SPC24: variants seen among roughly 807,000 people sequenced by gnomAD.
The protein encoded by SPC24 is kinetochore protein Spc24.
In SPC24, 31 loss-of-function variants were observed where a neutral mutation model predicts 27.6. The ratio of observed to expected loss-of-function variants is 1.12; its 90% confidence interval spans 0.84 to 1.52. The LOEUF (loss-of-function observed/expected upper bound fraction) is 1.52. SPC24 is among the 40% of genes most tolerant of loss of function. The pLI is 0.00. For synonymous variants in SPC24, 105 were observed against 105.8 expected (o/e 0.99, Z 0.05); for missense variants, 284 against 252.5 (o/e 1.12, Z -0.84).
In SPC24 at chr19:11,155,773, C is replaced by T; in HGVS notation, c.4G>A (p.Ala2Thr). 1.3e-6 allele frequency: 2 copies of T among 1,536,524 alleles called. No individual in the cohort carries two copies. Among genetic ancestry groups the T allele is most frequent in the South Asian group, 1.2e-5 (1 of 83,974 alleles). The change falls in exon 1 of 5, where the codon GCC becomes ACC. Residue 2 changes from alanine to threonine, a missense_variant. Ala to Thr is a moderately conservative substitution (Grantham distance 58). Coordinates refer to ENST00000592540, the MANE Select transcript of SPC24 (RefSeq NM_182513.4). The part of the protein sequence containing the change: M[A>T]AFRDIEEVSQ... The stretch of plus-strand genomic sequence containing the variant: ...ACCTCCTCTATGTCGCGGAAGGCGG[C>T]CATGACTACGCCAGGCTCCAACCCG...
intron 1 of SPC24, among the ~76,000 whole-genome samples, chr19:11,154,344 G>A (rs11671872): frequency 0.34 from 52,272 of 151,988 alleles, 9,623 homozygotes; most frequent in Non-Finnish European, 0.41. Flanking sequence ...TTTAAGACCA[G>A]CCTAGCCAAC....
At chr19:11,150,910 T>C (rs1227856004) in intron 1 of SPC24, among the ~76,000 whole-genome samples, 1 of 152,154 alleles carries the variant, frequency 6.6e-6, no homozygotes, top group African/African-American at 2.4e-5. Context: ...ATGCCTGTAA[T>C]CCCAGCACTT....
chr19:11,149,084 A>T lies in SPC24; in HGVS notation c.305+10T>A. The T allele has an allele frequency of 6.7e-7, 1 of 1,496,512 alleles. No individual in the cohort carries two copies. The highest frequency in any genetic ancestry group is 8.9e-7 in the Non-Finnish European group (1 of 1,121,896). 92.7% of individuals were successfully genotyped at this position (1,496,512 alleles called of 1,614,324 possible). A position where few individuals can be genotyped will look rare whatever the true frequency, so the allele number is the denominator to read the frequency against. ...TCTAGCAAGGCTGATCCCCTAGCAG[A>T]AAAGGATATAGGAGGCTGGCCTTCA... is the stretch of plus-strand genomic sequence containing the variant. On this transcript the variant is annotated intron_variant, in intron 2 of 4. Coordinates refer to ENST00000592540, the MANE Select transcript of SPC24 (RefSeq NM_182513.4).
rs1315008598 is a variant in SPC24 at position 11,147,817 on chromosome 19, C to T, written c.487+1G>A. The T allele has an allele frequency of 6.2e-7, 1 of 1,609,810 alleles. No homozygotes were observed. The highest frequency in any genetic ancestry group is 8.5e-7 in the Non-Finnish European group (1 of 1,178,740). On this transcript the variant is annotated splice_donor_variant, in intron 4 of 4. Coordinates refer to ENST00000592540, the MANE Select transcript of SPC24 (RefSeq NM_182513.4). LOFTEE classifies it high-confidence loss of function. ...TTAAAATGGCTCCCCAAAAAGGATACTGCCTTTGACCATCCCTGGCTCACA... is the reference window on the plus strand; with the variant it reads ...TTAAAATGGCTCCCCAAAAAGGATATTGCCTTTGACCATCCCTGGCTCACA...
At chr19:11,150,472 C>G (rs2077862841) in intron 1 of SPC24, among the ~76,000 whole-genome samples, 1 of 149,616 alleles carries the variant, frequency 6.7e-6, no homozygotes, top group African/African-American at 2.5e-5. Context: ...GGCGATAGAG[C>G]AAGACTCCAT....
intron 2 of SPC24, among the ~76,000 whole-genome samples, chr19:11,148,323 C>G (rs556855287): frequency 9.2e-5 from 14 of 151,804 alleles, no homozygotes; most frequent in African/African-American, 3.4e-4. Flanking sequence ...TTCTGGAGCC[C>G]CTGCCTACCG....
At position 11,155,660 on chromosome 19, in the gene SPC24, C is replaced by T; in HGVS notation, c.117G>A (p.Glu39=). 3 of 1,556,296 alleles carry T rather than the reference C, an allele frequency of 1.9e-6. No homozygotes were observed. Among genetic ancestry groups the T allele is most frequent in the African/African-American group, 1.4e-5 (1 of 73,396 alleles). Residue 39 remains glutamate (E), a synonymous_variant, in exon 1 of 5, where the codon GAG becomes GAA. Coordinates refer to ENST00000592540, the MANE Select transcript of SPC24 (RefSeq NM_182513.4). ...RLLGRHEQVV[E]RLLETQDGAE... ...CACCGTCTTGCGTTTCCAGCAGCCG[C>T]TCCACCACCTGCTCGTGGCGCCCCA...
At chr19:11,147,406 G>C in intron 4 of SPC24, 117 bp from the exon 5 acceptor site, 1 of 680,196 alleles carries the variant, frequency 1.5e-6, no homozygotes, top group Non-Finnish European at 2.4e-6. Context: ...TGTAGGCCAG[G>C]CTGGAGTACA....
chr19:11,150,455 C>T (rs1467166377), intron 1 of SPC24, among the ~76,000 whole-genome samples: 1 of 151,348 alleles, frequency 6.6e-6, no homozygotes, highest in African/African-American at 2.4e-5. Context: ...CATTGCACTC[C>T]AGTCTGGGCG....
intron 1 of SPC24, among the ~76,000 whole-genome samples, chr19:11,150,442 C>T (rs909785764): frequency 4.0e-5 from 6 of 151,098 alleles, no homozygotes; most frequent in Non-Finnish European, 7.4e-5. Context: ...GCCGACATCG[C>T]GCCATTGCAC....
intron 4 of SPC24, 126 bp downstream of exon 4, chr19:11,147,692 C>T: frequency 2.3e-6 from 2 of 868,374 alleles, no homozygotes; most frequent in Non-Finnish European, 3.6e-6. Context: ...CCTCAGCCTC[C>T]CAGGTAGCTG....
intron 1 of SPC24, among the ~76,000 whole-genome samples, chr19:11,150,658 T>A (rs1010464259): frequency 6.6e-6 from 1 of 151,970 alleles, no homozygotes; most frequent in South Asian, 2.1e-4. Context: ...TAGCTGGGCA[T>A]TGTGGTGTGC....
At position 11,149,203 on chromosome 19, in the gene SPC24, G is replaced by A. The variant is rs749659275; in HGVS notation, c.196C>T (p.Leu66Phe). The change falls in exon 2 of 5, where the codon CTT becomes TTT. Residue 66 changes from leucine to phenylalanine, a missense_variant. Coordinates refer to ENST00000592540, the MANE Select transcript of SPC24 (RefSeq NM_182513.4). ...TGCACCTGCTCCTTCGCATTGAGAA[G>A]GCTCTGGGCCACTTCCTTCTCCATG... ...LTMEKEVAQS[L>F]LNAKEQVHQG... 15 of 1,550,374 alleles carry A rather than the reference G, an allele frequency of 9.7e-6. No homozygotes were observed. In the Admixed American group the frequency reaches 9.9e-5, roughly 10 times the overall value.
At position 11,153,932 on chromosome 19, in the gene SPC24, G is replaced by T. The variant is rs1222655089; in HGVS notation, c.160+1685C>A. ...AAAATATATATAAAAATATTAGCCG[G>T]GCGTGGTGGCGGGCACCTGTAGTCC... On this transcript the variant is annotated intron_variant, in intron 1 of 4. Transcript: ENST00000592540. 2.0e-5 allele frequency among the ~76,000 whole-genome samples: 3 copies of T among 151,798 alleles called. No individual in the cohort carries two copies. In the East Asian group the frequency reaches 5.8e-4, roughly 30 times the overall value.
At chr19:11,155,587 G>T (rs1210257048) in intron 1 of SPC24, 30 bp downstream of exon 1, 1 of 1,528,022 alleles carries the variant, frequency 6.5e-7, no homozygotes, top group Non-Finnish European at 8.7e-7. Context: ...CCCTTCCCCC[G>T]TGGGCCCGCG....
chr19:11,150,932 G>T (rs1256038871), intron 1 of SPC24, among the ~76,000 whole-genome samples: 1 of 152,150 alleles, frequency 6.6e-6, no homozygotes, highest in Non-Finnish European at 1.5e-5. Flanking sequence ...GGGAGGCCGA[G>T]GCAGGTGGAT....
chr19:11,150,208 A>AT (rs1234373203), intron 1 of SPC24, among the ~76,000 whole-genome samples: 4 of 148,202 alleles, frequency 2.7e-5, no homozygotes, highest in Non-Finnish European at 6.0e-5. Flanking sequence ...AAAAAAAAAA[A>AT]GGCTAGGTGT....
At chr19:11,155,520 G>T in intron 1 of SPC24, 97 bp downstream of exon 1, 2 of 1,382,902 alleles carry the variant, frequency 1.4e-6, no homozygotes, top group Non-Finnish European at 9.6e-7. Context: ...AGATGGGAGA[G>T]TCCAGGAGAG....
rs2077818591 is a variant in SPC24 at position 11,145,681 on chromosome 19, T to C, written c.*1502A>G. ...TCCTGTCATCCCTAAAGGACGGCAC[T>C]CGTCTGTACACGTGGCAGTATGGCT... On this transcript the variant is annotated 3_prime_UTR_variant, in exon 5 of 5. Transcript: ENST00000592540. 1 of 152,204 alleles carries C rather than the reference T, an allele frequency of 6.6e-6. No individual in the cohort carries two copies. Among genetic ancestry groups the C allele is most frequent in the African/African-American group, 2.4e-5 (1 of 41,464 alleles). 9.4% of individuals were successfully genotyped at this position (152,204 alleles called of 1,614,324 possible). A position where few individuals can be genotyped will look rare whatever the true frequency, so the allele number is the denominator to read the frequency against.
Sources: gnomAD v4.1 joint callset for allele counts (sites outside exome capture counted in the v4.1 genomes callset) on GRCh38, gnomAD v4.1.1 for gene constraint, MANE v1.5 for transcripts, NCBI Gene and HGNC (gene_info 2026-07-23, HGNC 2026-07-21) for gene names.